Variants in CNBD1 observed in about 807,000 individuals in gnomAD.
CNBD1 encodes cyclic nucleotide-binding domain-containing protein 1.
In CNBD1, 71 loss-of-function variants were observed where a neutral mutation model predicts 54.4. The ratio of observed to expected loss-of-function variants is 1.30; its 90% confidence interval spans 1.08 to 1.59. The LOEUF is 1.59. Among genes scored for constraint, CNBD1 ranks in the 40% most tolerant of loss-of-function variants. The pLI is 0.00. For missense variants in CNBD1, 659 were observed against 518.0 expected, an observed-to-expected ratio of 1.27 and a Z score of -2.64; for synonymous variants, 182 against 170.7, an observed-to-expected ratio of 1.07 and a Z score of -0.51.
chr8:87,059,464 T>C (rs1586229078), intron 4 of CNBD1, among the ~76,000 whole-genome samples: 1 of 152,172 alleles, frequency 6.6e-6, no homozygotes, highest in Non-Finnish European at 1.5e-5. Context: ...TGAGACTGGG[T>C]AATTTATAAA....
intron 4 of CNBD1, among the ~76,000 whole-genome samples, chr8:87,090,259 T>C (rs1012610515): frequency 3.3e-5 from 5 of 152,188 alleles, no homozygotes; most frequent in Non-Finnish European, 5.9e-5. Flanking sequence ...ATTATTTCCT[T>C]TGGTGATTCT....
chr8:86,950,976 G>A (rs1807602982), intron 4 of CNBD1, among the ~76,000 whole-genome samples: 2 of 152,048 alleles, frequency 1.3e-5, no homozygotes. Context: ...AAGGATCATA[G>A]TGACTACTAA....
intron 3 of CNBD1, among the ~76,000 whole-genome samples, chr8:86,936,909 T>C (rs917182946): frequency 3.4e-4 from 52 of 152,332 alleles, no homozygotes; most frequent in African/African-American, 1.2e-3. Context: ...TTTCCAGCTC[T>C]ACTAGCTGTG....
intron 2 of CNBD1, among the ~76,000 whole-genome samples, chr8:87,388,699 T>A (rs577182971): frequency 1.3e-5 from 2 of 152,348 alleles, no homozygotes; most frequent in South Asian, 2.1e-4. Flanking sequence ...CCATTCCTTC[T>A]GAAACTATTC....
intron 2 of CNBD1, among the ~76,000 whole-genome samples, chr8:87,411,071 G>A (rs75446765): frequency 0.015 from 2,300 of 151,864 alleles, 57 homozygotes; most frequent in African/African-American, 0.049. Context: ...TGTGTGACTC[G>A]CTTTATTATG....
chr8:87,256,440 C>G (rs1250009381), intron 6 of CNBD1, among the ~76,000 whole-genome samples: 2 of 152,112 alleles, frequency 1.3e-5, no homozygotes, highest in South Asian at 2.1e-4. Flanking sequence ...TCCTGGTTGG[C>G]TCTCCTATTG....
At chr8:87,236,727 T>C (rs186190935) in intron 5 of CNBD1, among the ~76,000 whole-genome samples, 192 bp from the exon 6 acceptor site, 2 of 152,250 alleles carry the variant, frequency 1.3e-5, no homozygotes, top group Admixed American at 1.3e-4. Context: ...ACTCCAAATG[T>C]ATAAACATGC....
At chr8:87,135,685 T>C (rs1031923389) in intron 4 of CNBD1, among the ~76,000 whole-genome samples, 2 of 148,914 alleles carry the variant, frequency 1.3e-5, no homozygotes, top group Non-Finnish European at 3.0e-5. Context: ...ATATATGCAA[T>C]TTAAAATGAT....
At chr8:87,030,714 A>T (rs911880939) in intron 4 of CNBD1, among the ~76,000 whole-genome samples, 2 of 152,068 alleles carry the variant, frequency 1.3e-5, no homozygotes, top group Non-Finnish European at 2.9e-5. Flanking sequence ...CTGAAGCAGG[A>T]TGTGCAGTGA....
chr8:87,002,013 C>T (rs1809003270), intron 4 of CNBD1, among the ~76,000 whole-genome samples: 1 of 152,120 alleles, frequency 6.6e-6, no homozygotes. Flanking sequence ...AGGCTGAAGT[C>T]AGAGGTAGGA....
At chr8:87,337,448 C>T (rs1038838672) in intron 8 of CNBD1, among the ~76,000 whole-genome samples, 1 of 152,162 alleles carries the variant, frequency 6.6e-6, no homozygotes, top group East Asian at 1.9e-4. Context: ...TGTTGGCTGC[C>T]ACCCCTCCCC....
At chr8:87,241,753 A>G (rs1329816090) in intron 6 of CNBD1, among the ~76,000 whole-genome samples, 1 of 152,164 alleles carries the variant, frequency 6.6e-6, no homozygotes, top group Non-Finnish European at 1.5e-5. Flanking sequence ...GTAATAGGAT[A>G]TCAATACCTA....
Position 86,973,823 on chromosome 8 carries a change from T to C in CNBD1, c.431+34069T>C, listed in dbSNP as rs572692035. Reference sequence around the variant, plus strand: ...GCATTGAAACAGGAAAAGGAGGGGATAAAAGAAAATTTAATTATTGCACTA... The same window carrying C: ...GCATTGAAACAGGAAAAGGAGGGGACAAAAGAAAATTTAATTATTGCACTA... On this transcript the variant is annotated intron_variant, in intron 4 of 10. Coordinates refer to ENST00000518476, the MANE Select transcript of CNBD1 (RefSeq NM_173538.3). Among the ~76,000 whole-genome samples the C allele has an allele frequency of 3.3e-5, 5 of 152,268 alleles. No individual in the cohort carries two copies. The East Asian group carries it at 9.7e-4, about 29-fold the overall frequency.
chr8:87,147,195 C>T (rs1192294616), intron 4 of CNBD1, among the ~76,000 whole-genome samples: 1 of 152,038 alleles, frequency 6.6e-6, no homozygotes, highest in Non-Finnish European at 1.5e-5. Flanking sequence ...TACTAAATGC[C>T]TTATTTTTTC....
At chr8:86,920,068 A>G (rs1171920042) in intron 3 of CNBD1, among the ~76,000 whole-genome samples, 1 of 152,154 alleles carries the variant, frequency 6.6e-6, no homozygotes, top group South Asian at 2.1e-4. Context: ...TACTGGGAGA[A>G]TTTAGCCCAC....
chr8:86,884,559 C>T (rs1563810091), intron 1 of CNBD1, among the ~76,000 whole-genome samples: 1 of 152,128 alleles, frequency 6.6e-6, no homozygotes, highest in African/African-American at 2.4e-5. Flanking sequence ...TAGGTTTAGA[C>T]TTATTTTAAA....
intron 4 of CNBD1, among the ~76,000 whole-genome samples, chr8:87,139,475 C>A (rs183147685): frequency 2.6e-5 from 4 of 152,144 alleles, no homozygotes; most frequent in Admixed American, 6.6e-5. Context: ...GTGCAGTCCT[C>A]GTTTCATATT....
intron 4 of CNBD1, among the ~76,000 whole-genome samples, chr8:87,006,205 G>A (rs544418922): frequency 2.6e-5 from 4 of 151,914 alleles, no homozygotes; most frequent in Admixed American, 6.6e-5. Context: ...ACTCTAAATC[G>A]GGGGAAAAAA....
chr8:87,242,833 T>C (rs1419833840), intron 6 of CNBD1, among the ~76,000 whole-genome samples: 1 of 152,222 alleles, frequency 6.6e-6, no homozygotes, highest in African/African-American at 2.4e-5. Flanking sequence ...TGGCATAAAC[T>C]TAATTGTTGA....
Sources: gnomAD v4.1 joint callset for allele counts (sites outside exome capture counted in the v4.1 genomes callset) on GRCh38, gnomAD v4.1.1 for gene constraint, MANE v1.5 for transcripts, NCBI Gene and HGNC (gene_info 2026-07-23, HGNC 2026-07-21) for gene names.